The following FAM228B variants were observed in gnomAD, a reference collection of about 807,000 sequenced individuals.
FAM228B encodes the protein protein FAM228B.
In FAM228B, 38 loss-of-function variants were observed where a neutral mutation model predicts 42.6. The ratio of observed to expected loss-of-function variants is 0.89; its 90% CI spans 0.69 to 1.17. The LOEUF is 1.17. FAM228B is among the 50% of genes most tolerant of loss of function. FAM228B has a pLI of 0.00. For missense variants in FAM228B, 344 were observed against 367.3 expected (o/e 0.94, Z 0.52); for synonymous variants, 109 against 122.3 (o/e 0.89, Z 0.72).
At chr2:24,083,055 T>C in intron 2 of FAM228B, 1 of 1,614,142 alleles carries the variant, frequency 6.2e-7, no homozygotes, top group Non-Finnish European at 8.5e-7. Flanking sequence ...GATCTTCCAG[T>C]GTCCCTGGCA....
At chr2:24,132,466 T>TTTG (rs1666477369) in intron 2 of FAM228B, among the ~76,000 whole-genome samples, 2 of 103,512 alleles carry the variant, frequency 1.9e-5, no homozygotes, top group East Asian at 2.8e-4. Flanking sequence ...CTGGGATTGT[T>TTTG]TTTTTTTTTT....
chr2:24,101,391 T>C (rs1665601597), intron 3 of FAM228B, among the ~76,000 whole-genome samples: 1 of 152,232 alleles, frequency 6.6e-6, no homozygotes, highest in Non-Finnish European at 1.5e-5. Flanking sequence ...AAAATATGTA[T>C]GTAAATTGAC....
chr2:24,101,674 T>C (rs2150996186), intron 3 of FAM228B, among the ~76,000 whole-genome samples: 1 of 152,176 alleles, frequency 6.6e-6, no homozygotes, highest in South Asian at 2.1e-4. Flanking sequence ...TTTTTATTAT[T>C]TTATTTTATT....
intron 5 of FAM228B, chr2:24,142,847 G>C (rs1007407082): frequency 6.6e-6 from 1 of 152,196 alleles, no homozygotes; most frequent in Non-Finnish European, 1.5e-5. Flanking sequence ...TGATGAAATT[G>C]GTACTGATAT....
At chr2:24,119,129 G>A (rs1181566682), upstream of FAM228B, among the ~76,000 whole-genome samples, 1 of 151,936 alleles carries the variant, frequency 6.6e-6, no homozygotes, top group Admixed American at 6.6e-5. Context: ...CTTTATATAG[G>A]GTAGACCCCC....
intron 3 of FAM228B, among the ~76,000 whole-genome samples, chr2:24,135,952 T>TC (rs1302022141): frequency 6.6e-6 from 1 of 151,382 alleles, no homozygotes; most frequent in Non-Finnish European, 1.5e-5. Context: ...TTTTTTTTTT[T>TC]CTGAAGGTCA....
chr2:24,169,571 C>T lies in FAM228B; in HGVS notation c.*230C>T, dbSNP rs976084707. 4 of 284,964 alleles carry T rather than the reference C, an allele frequency of 1.4e-5. No homozygotes were observed. The highest frequency in any genetic ancestry group is 2.3e-5 in the Non-Finnish European group (3 of 129,948). The allele number at this position is 284,964 out of a possible 1,614,324, so 17.7% of individuals were successfully genotyped here. A position where few individuals can be genotyped will look rare whatever the true frequency, so the allele number is the denominator to read the frequency against. ...TGTGATAATTAAGAAATGGCAATACCATGTATTTTCCCCAGAAGTTAAGAA... is the reference window on the plus strand; with the variant it reads ...TGTGATAATTAAGAAATGGCAATACTATGTATTTTCCCCAGAAGTTAAGAA... On this transcript the variant is annotated 3_prime_UTR_variant, in exon 11 of 11. Transcript: ENST00000615575. The surrounding 1 kb of genome is among the most constrained non-coding windows in gnomAD (Gnocchi z 4.2).
chr2:24,101,688 T>G (rs1327244548), intron 3 of FAM228B, among the ~76,000 whole-genome samples: 1 of 152,064 alleles, frequency 6.6e-6, no homozygotes, highest in Non-Finnish European at 1.5e-5. Context: ...TTTTATTTTT[T>G]TATTATTTTT....
chr2:24,155,278 C>G (rs768386017), intron 7 of FAM228B, among the ~76,000 whole-genome samples: 1 of 151,756 alleles, frequency 6.6e-6, no homozygotes, highest in South Asian at 2.1e-4. Flanking sequence ...TGTTTCCACC[C>G]TTACTTACTT....
intron 2 of FAM228B, among the ~76,000 whole-genome samples, chr2:24,125,081 A>G (rs1476347039): frequency 2.6e-5 from 4 of 152,180 alleles, no homozygotes; most frequent in Non-Finnish European, 5.9e-5. Flanking sequence ...TAAACTGCAT[A>G]TATTTAAAGT....
chr2:24,155,286 C>T (rs1235509494), intron 7 of FAM228B, among the ~76,000 whole-genome samples: 1 of 151,818 alleles, frequency 6.6e-6, no homozygotes, highest in Non-Finnish European at 1.5e-5. Context: ...CCCTTACTTA[C>T]TTATTAATGA....
intron 2 of FAM228B, among the ~76,000 whole-genome samples, chr2:24,124,916 G>C (rs1245339990): frequency 1.3e-5 from 2 of 152,104 alleles, no homozygotes; most frequent in African/African-American, 4.8e-5. Flanking sequence ...CGCCTAGGCT[G>C]GTCCCCAACT....
rs536956062 is a variant in FAM228B at position 24,101,713 on chromosome 2, C to T, written c.-121+6484C>T. ...TTATTATTTTTTAAAGACGGGGTCT[C>T]GCACTTTCGCCCACGATGGAGTGCA... On this transcript the variant is annotated intron_variant, in intron 3 of 10. Coordinates refer to the FAM228B transcript ENST00000613899. 1.4e-3 allele frequency among the ~76,000 whole-genome samples: 209 copies of T among 152,132 alleles called. 1 individual carries two copies. Among genetic ancestry groups the T allele is most frequent in the African/African-American group, 4.9e-3 (203 of 41,502 alleles).
intron 2 of FAM228B, among the ~76,000 whole-genome samples, chr2:24,132,492 G>GTTTTTTT (rs1666479588): frequency 1.6e-5 from 1 of 61,294 alleles, no homozygotes; most frequent in Non-Finnish European, 3.1e-5. Flanking sequence ...TTTTTTTTTG[G>GTTTTTTT]TTGATAGGCT....
intron 7 of FAM228B, among the ~76,000 whole-genome samples, chr2:24,158,038 T>C (rs1667193610): frequency 6.6e-6 from 1 of 152,096 alleles, no homozygotes; most frequent in South Asian, 2.1e-4. Flanking sequence ...TAGTGATTCC[T>C]GTGTCCCTCA....
chr2:24,123,072 C>T (rs916452432), upstream of FAM228B: 1 of 152,314 alleles, frequency 6.6e-6, no homozygotes, highest in East Asian at 1.9e-4. Flanking sequence ...CTTAAACCCA[C>T]ATTTCCCGCA....
At chr2:24,156,751 G>A (rs1667155644) in intron 7 of FAM228B, among the ~76,000 whole-genome samples, 1 of 147,552 alleles carries the variant, frequency 6.8e-6, no homozygotes, top group Admixed American at 6.8e-5. Context: ...TGATGTACCA[G>A]ACACTGTTAT....
chr2:24,130,015 A>T (rs1666418732), intron 2 of FAM228B, among the ~76,000 whole-genome samples: 1 of 151,974 alleles, frequency 6.6e-6, no homozygotes, highest in Non-Finnish European at 1.5e-5. Flanking sequence ...CCCTGGGTCC[A>T]TGTGTTCTCA....
At chr2:24,134,904 G>A (rs1400409828) in intron 2 of FAM228B, among the ~76,000 whole-genome samples, 2 of 152,172 alleles carry the variant, frequency 1.3e-5, no homozygotes, top group Non-Finnish European at 1.5e-5. Context: ...GAGCCGAGAT[G>A]GTGCTGGTGC....
Sources: allele counts gnomAD v4.1 joint callset (sites outside exome capture counted in the v4.1 genomes callset), GRCh38; gene constraint gnomAD v4.1.1; non-coding constraint Gnocchi (gnomAD v3.1); transcripts MANE v1.5; gene names NCBI Gene and HGNC (gene_info 2026-07-23, HGNC 2026-07-21).